RBFOX1: variants seen among roughly 807,000 people sequenced by gnomAD.
The protein encoded by RBFOX1 is RNA binding protein fox-1 homolog 1.
In RBFOX1, 8 loss-of-function variants were observed where a neutral mutation model predicts 57.7. The observed-to-expected ratio is 0.14, with a 90% CI of 0.08 to 0.25. The LOEUF (loss-of-function observed/expected upper bound fraction) is 0.25, where lower values mean the gene tolerates loss of function less well. Among genes scored for constraint, RBFOX1 ranks in the 10% least tolerant of loss-of-function variants. RBFOX1 has a pLI of 1.00. For synonymous variants in RBFOX1, 326 were observed against 222.4 expected, an observed-to-expected ratio of 1.47 and a Z score of -4.15; for missense variants, 611 against 548.5, an observed-to-expected ratio of 1.11 and a Z score of -1.14.
intron 3 of RBFOX1, among the ~76,000 whole-genome samples, chr16:5,682,918 C>T (rs2050387707): frequency 6.6e-6 from 1 of 152,206 alleles, no homozygotes. Flanking sequence ...GACCCCAAAG[C>T]TCCCAGGGTC....
rs185685344 is a variant in RBFOX1 at position 7,334,043 on chromosome 16, G to A, written c.28-184104G>A. 6.6e-5 allele frequency among the ~76,000 whole-genome samples: 10 copies of A among 152,100 alleles called. No individual in the cohort carries two copies. The East Asian group carries it at 1.7e-3, about 26-fold the overall frequency. On this transcript the variant is annotated intron_variant, in intron 4 of 15. Coordinates refer to ENST00000550418, the MANE Select transcript of RBFOX1 (RefSeq NM_018723.4). ...CCTGTGCCTCCCTCTGTCCCCTCCA[G>A]CCCCTCATAGTTAAAAACTATATGA...
intron 2 of RBFOX1, among the ~76,000 whole-genome samples, chr16:6,634,257 A>G (rs187976582): frequency 2.3e-4 from 35 of 152,268 alleles, no homozygotes; most frequent in Non-Finnish European, 4.7e-4. Flanking sequence ...CTCCTTTAAG[A>G]AAATGATTAG....
At chr16:7,376,100 A>G (rs1208646296) in intron 4 of RBFOX1, among the ~76,000 whole-genome samples, 2 of 152,218 alleles carry the variant, frequency 1.3e-5, no homozygotes, top group Admixed American at 1.3e-4. Context: ...TTTCTAAGGC[A>G]CTTTTCTAAA....
At chr16:5,710,283 G>T (rs1001969595) in intron 3 of RBFOX1, among the ~76,000 whole-genome samples, 1 of 152,118 alleles carries the variant, frequency 6.6e-6, no homozygotes, top group Non-Finnish European at 1.5e-5. Context: ...GCTTGTAAGG[G>T]CTAGAGCGAG....
intron 1 of RBFOX1, among the ~76,000 whole-genome samples, chr16:5,395,205 G>A (rs1340443378): frequency 1.3e-5 from 2 of 152,202 alleles, no homozygotes; most frequent in Non-Finnish European, 2.9e-5. Flanking sequence ...CTCACCTGGT[G>A]GTCTCTGTGC....
chr16:5,958,304 G>A (rs537558665), intron 4 of RBFOX1, among the ~76,000 whole-genome samples: 4 of 152,292 alleles, frequency 2.6e-5, no homozygotes, highest in African/African-American at 9.6e-5. Flanking sequence ...TATCACACTT[G>A]TGGAGCAGTC....
intron 3 of RBFOX1, among the ~76,000 whole-genome samples, chr16:6,800,150 A>G (rs1258931166): frequency 1.3e-5 from 2 of 151,594 alleles, no homozygotes; most frequent in Non-Finnish European, 2.9e-5. Flanking sequence ...GTTTGGGCCA[A>G]TTTCTTTGCG....
chr16:6,508,891 C>G (rs922444066), intron 2 of RBFOX1, among the ~76,000 whole-genome samples: 1 of 151,850 alleles, frequency 6.6e-6, no homozygotes, highest in Non-Finnish European at 1.5e-5. Context: ...AATAAAGATT[C>G]TTAACACTGT....
chr16:6,644,216 G>T (rs1182532960), intron 2 of RBFOX1, among the ~76,000 whole-genome samples: 8 of 152,130 alleles, frequency 5.3e-5, no homozygotes, highest in African/African-American at 1.9e-4. Context: ...TAAATTAGAA[G>T]CCGTTGTTAT....
intron 4 of RBFOX1, among the ~76,000 whole-genome samples, chr16:7,078,108 A>G (rs141062941): frequency 1.7e-4 from 26 of 152,250 alleles, no homozygotes; most frequent in Non-Finnish European, 2.9e-4. Context: ...TTGGCTCATG[A>G]GAAAGGCTGG....
At chr16:5,419,912 C>T (rs563269211) in intron 1 of RBFOX1, among the ~76,000 whole-genome samples, 46 of 152,184 alleles carry the variant, frequency 3.0e-4, no homozygotes, top group South Asian at 1.0e-3. Flanking sequence ...CCTGGTCTTG[C>T]AGCCACAAGG....
intron 4 of RBFOX1, among the ~76,000 whole-genome samples, chr16:7,396,364 A>G (rs550598439): frequency 6.6e-6 from 1 of 152,174 alleles, no homozygotes; most frequent in African/African-American, 2.4e-5. Flanking sequence ...AAATGTAATG[A>G]GAACAATTTC....
chr16:5,606,495 C>G (rs1005029250), intron 3 of RBFOX1, among the ~76,000 whole-genome samples: 3 of 152,068 alleles, frequency 2.0e-5, no homozygotes, highest in African/African-American at 4.8e-5. Flanking sequence ...CTCACCTCCT[C>G]TCTCCCTCAC....
At chr16:5,361,730 C>G (rs935902211) in intron 1 of RBFOX1, among the ~76,000 whole-genome samples, 1 of 152,198 alleles carries the variant, frequency 6.6e-6, no homozygotes, top group Non-Finnish European at 1.5e-5. Flanking sequence ...CAAGGCTCCT[C>G]CACTTTGTGC....
At chr16:6,817,452 G>C (rs189448938) in intron 3 of RBFOX1, among the ~76,000 whole-genome samples, 1 of 150,316 alleles carries the variant, frequency 6.7e-6, no homozygotes, top group Non-Finnish European at 1.5e-5. Flanking sequence ...CCAACGCTTT[G>C]TGAGGCAGAG....
At chr16:7,363,276 C>G (rs777181702) in intron 4 of RBFOX1, among the ~76,000 whole-genome samples, 8 of 152,094 alleles carry the variant, frequency 5.3e-5, no homozygotes, top group Non-Finnish European at 7.4e-5. Context: ...TCCAGATAAA[C>G]CTGTCAAGCT....
intron 10 of RBFOX1, among the ~76,000 whole-genome samples, chr16:7,618,973 C>A (rs1244242070): frequency 1.3e-5 from 2 of 152,102 alleles, no homozygotes; most frequent in Non-Finnish European, 2.9e-5. Flanking sequence ...AAGAATCAGC[C>A]AGAATTAATT....
chr16:5,592,040 A>G (rs1161918119), intron 2 of RBFOX1, among the ~76,000 whole-genome samples: 1 of 152,186 alleles, frequency 6.6e-6, no homozygotes. Flanking sequence ...AAAATAATAT[A>G]TTGCCTTATT....
At chr16:6,902,499 A>G (rs1411684027) in intron 3 of RBFOX1, among the ~76,000 whole-genome samples, 2 of 152,168 alleles carry the variant, frequency 1.3e-5, no homozygotes, top group Non-Finnish European at 2.9e-5. Flanking sequence ...GGTGGGGAGA[A>G]TCACTTGAGG....
Sources: allele counts gnomAD v4.1 joint callset (sites outside exome capture counted in the v4.1 genomes callset), GRCh38; gene constraint gnomAD v4.1.1; transcripts MANE v1.5; gene names NCBI Gene and HGNC (gene_info 2026-07-23, HGNC 2026-07-21).